COL28A1: variants seen among roughly 807,000 people sequenced by gnomAD.
The protein encoded by COL28A1 is collagen type XXVIII alpha 1 chain, also known as collagen alpha-1(XXVIII) chain.
In COL28A1, 161 loss-of-function variants were observed where a neutral mutation model predicts 150.2. The ratio of observed to expected loss-of-function variants is 1.07; its 90% confidence interval spans 0.94 to 1.22. COL28A1 has a LOEUF of 1.22. Ranked by LOEUF, COL28A1 falls within the 50% of genes most tolerant of loss-of-function variation. The probability of loss-of-function intolerance (pLI) is 0.00; values close to 1 mark genes in which losing one functional copy is unlikely to be tolerated. For synonymous variants in COL28A1, 552 were observed against 469.7 expected (o/e 1.18, Z -2.26); for missense variants, 1,617 against 1,388.3 (o/e 1.16, Z -2.62).
At chr7:7,501,097 A>C (rs1202870223) in intron 11 of COL28A1, among the ~76,000 whole-genome samples, 3 of 152,224 alleles carry the variant, frequency 2.0e-5, no homozygotes, top group Non-Finnish European at 4.4e-5. Flanking sequence ...AATATCTCAG[A>C]AGTTTAAATT....
Position 7,373,021 on chromosome 7 carries a change from A to G in COL28A1, c.2885T>C (p.Phe962Ser). ...IATDPEHVYQ[F>S]DDFFTLQDTL... ...ACCTTGCAGGGTAAAGAAATCATCA[A>G]ACTGGTAAACATGCTCTGGGTCAGT... is the stretch of plus-strand genomic sequence containing the variant. The change falls in exon 32 of 35, where the codon TTT (phenylalanine) becomes TCT (serine). Residue 962 changes from phenylalanine (F) to serine (S), a missense_variant. By Grantham distance (155) the Phe-to-Ser change is radical. Transcript: ENST00000399429. This position sits in a 1 kb window ranked among gnomAD's most constrained non-coding sequence, Gnocchi z 4.1. 6.2e-7 allele frequency: 1 copy of G among 1,613,962 alleles called. No individual in the cohort carries two copies. Among genetic ancestry groups the G allele is most frequent in the Non-Finnish European group, 8.5e-7 (1 of 1,179,902 alleles).
At chr7:7,420,590 A>G (rs59632377) in intron 25 of COL28A1, among the ~76,000 whole-genome samples, 1,869 of 152,360 alleles carry the variant, frequency 0.012, 48 homozygotes, top group African/African-American at 0.043. Context: ...GTATGTTCAT[A>G]TATGTTATTT....
intron 3 of COL28A1, among the ~76,000 whole-genome samples, chr7:7,527,101 C>CA (rs547587580): frequency 2.8e-4 from 43 of 152,074 alleles, no homozygotes; most frequent in Non-Finnish European, 5.0e-4. Flanking sequence ...CATAGCAATG[C>CA]AAAAAACTAT....
At chr7:7,529,342 T>C (rs921725635) in intron 3 of COL28A1, among the ~76,000 whole-genome samples, 1 of 151,618 alleles carries the variant, frequency 6.6e-6, no homozygotes, top group South Asian at 2.1e-4. Context: ...TGGCAATTTG[T>C]AACATTGAAA....
At chr7:7,434,655 A>G (rs1019338827) in intron 23 of COL28A1, among the ~76,000 whole-genome samples, 1 of 152,224 alleles carries the variant, frequency 6.6e-6, no homozygotes, top group East Asian at 1.9e-4. Context: ...TCCTTTTTAT[A>G]GAGATCTTTG....
At chr7:7,479,734 G>A (rs1181902713) in intron 13 of COL28A1, among the ~76,000 whole-genome samples, 2 of 152,162 alleles carry the variant, frequency 1.3e-5, no homozygotes, top group South Asian at 2.1e-4. Flanking sequence ...TAGGAAAGAT[G>A]ACTTCTCACA....
chr7:7,368,161 A>G (rs752330451), intron 33 of COL28A1, among the ~76,000 whole-genome samples: 6 of 152,090 alleles, frequency 3.9e-5, no homozygotes, highest in South Asian at 2.1e-4. Flanking sequence ...AAATATGACT[A>G]TATGATTCTT....
chr7:7,417,659 A>G, intron 27 of COL28A1, 200 bp downstream of exon 27: 1 of 585,702 alleles, frequency 1.7e-6, no homozygotes, highest in Non-Finnish European at 3.0e-6. Flanking sequence ...CAATTTATAT[A>G]ATGTTTAGCA....
At chr7:7,362,371 T>G (rs1780714908) in intron 33 of COL28A1, among the ~76,000 whole-genome samples, 1 of 152,154 alleles carries the variant, frequency 6.6e-6, no homozygotes, top group South Asian at 2.1e-4. Flanking sequence ...GTTTGCATTT[T>G]TATTTATTTA....
At chr7:7,454,203 G>A (rs1786950909) in intron 16 of COL28A1, among the ~76,000 whole-genome samples, 1 of 152,134 alleles carries the variant, frequency 6.6e-6, no homozygotes, top group South Asian at 2.1e-4. Context: ...CCATTTAAGA[G>A]AGATTGTAAA....
upstream of COL28A1, among the ~76,000 whole-genome samples, chr7:7,536,086 C>T (rs374311860): frequency 2.1e-3 from 320 of 152,146 alleles, 3 homozygotes; most frequent in African/African-American, 7.4e-3. Flanking sequence ...GACAGCCTGC[C>T]TTTTTTTCTC....
intron 18 of COL28A1, among the ~76,000 whole-genome samples, chr7:7,446,253 TAAAC>T (rs1786251237): frequency 1.3e-5 from 2 of 152,156 alleles, no homozygotes; most frequent in East Asian, 3.9e-4. Context: ...AAGATATCAA[TAAAC>T]AATATCAAAA....
chr7:7,425,404 G>T (rs925660945), intron 25 of COL28A1, among the ~76,000 whole-genome samples: 2 of 152,144 alleles, frequency 1.3e-5, no homozygotes, highest in Non-Finnish European at 2.9e-5. Flanking sequence ...TACATCGCCA[G>T]TCACACCCTC....
At chr7:7,522,581 G>C (rs950582537) in intron 4 of COL28A1, among the ~76,000 whole-genome samples, 1 of 151,988 alleles carries the variant, frequency 6.6e-6, no homozygotes, top group African/African-American at 2.4e-5. Flanking sequence ...GAATGAAATG[G>C]GAGAAAATTC....
Position 7,525,427 on chromosome 7 carries a change from G to A in COL28A1, c.682-1178C>T, listed in dbSNP as rs1781970039. Among the ~76,000 whole-genome samples, 6 of 152,284 alleles carry A rather than the reference G, an allele frequency of 3.9e-5. No individual in the cohort carries two copies. In the South Asian group the frequency reaches 8.3e-4, roughly 21 times the overall value. ...CTGAAGGCTGTGTTGGAAGACAAAC[G>A]CTGGAAAGAAACTAATCTATGTTTA... On this transcript the variant is annotated intron_variant, in intron 3 of 34. Transcript: ENST00000399429.
At chr7:7,364,258 T>G (rs1410158193) in intron 33 of COL28A1, among the ~76,000 whole-genome samples, 3 of 152,190 alleles carry the variant, frequency 2.0e-5, no homozygotes, top group African/African-American at 7.2e-5. Context: ...TTTGGCACAT[T>G]GATTATTTTG....
At chr7:7,383,301 CAG>C (rs1399488666) in intron 27 of COL28A1, among the ~76,000 whole-genome samples, 1 of 134,154 alleles carries the variant, frequency 7.5e-6, no homozygotes, top group Admixed American at 7.6e-5. Flanking sequence ...TTTTTTGAGA[CAG>C]AGTCTCACTC....
At chr7:7,391,118 C>A (rs2128294073) in intron 27 of COL28A1, among the ~76,000 whole-genome samples, 1 of 152,312 alleles carries the variant, frequency 6.6e-6, no homozygotes, top group African/African-American at 2.4e-5. Flanking sequence ...GCATTTCGTG[C>A]TATAAATTTC....
At chr7:7,369,287 G>T (rs1286302698) in intron 33 of COL28A1, among the ~76,000 whole-genome samples, 4 of 152,194 alleles carry the variant, frequency 2.6e-5, no homozygotes, top group African/African-American at 7.2e-5. Context: ...GCACAATATA[G>T]ATCAGGGTTG....
Sources: allele counts gnomAD v4.1 joint callset (sites outside exome capture counted in the v4.1 genomes callset), GRCh38; gene constraint gnomAD v4.1.1; non-coding constraint Gnocchi (gnomAD v3.1); transcripts MANE v1.5; gene names NCBI Gene and HGNC (gene_info 2026-07-23, HGNC 2026-07-21).